Variants in FSHR observed in about 807,000 individuals in gnomAD.
FSHR encodes the protein follicle stimulating hormone receptor.
A neutral mutation model predicts 52.1 loss-of-function variants in FSHR; 46 were observed. The ratio of observed to expected loss-of-function variants is 0.88; its 90% CI spans 0.70 to 1.13. The LOEUF (loss-of-function observed/expected upper bound fraction) is 1.13. Ranked by LOEUF, FSHR falls within the 50% of genes most tolerant of loss-of-function variation. FSHR has a pLI of 0.00. For missense variants in FSHR, 964 were observed against 834.6 expected, an observed-to-expected ratio of 1.16 and a Z score of -1.91; for synonymous variants, 399 against 309.6, an observed-to-expected ratio of 1.29 and a Z score of -3.03.
intron 2 of FSHR, among the ~76,000 whole-genome samples, chr2:49,054,638 G>A (rs951067059): frequency 1.3e-5 from 2 of 152,140 alleles, no homozygotes; most frequent in Non-Finnish European, 2.9e-5. Context: ...CAGACCCTGA[G>A]TTGGCCAACG....
chr2:49,023,060 T>A (rs1655130146), intron 2 of FSHR, among the ~76,000 whole-genome samples: 1 of 152,108 alleles, frequency 6.6e-6, no homozygotes, highest in African/African-American at 2.4e-5. Flanking sequence ...TTTGACCCAA[T>A]GTACATATTC....
At chr2:48,990,892 T>TAAAA (rs10644983) in intron 4 of FSHR, among the ~76,000 whole-genome samples, 1 of 149,114 alleles carries the variant, frequency 6.7e-6, no homozygotes, top group Non-Finnish European at 1.5e-5. Context: ...CAGTATACAT[T>TAAAA]AAAAAAAAAA....
chr2:49,014,326 C>T (rs982165606), intron 4 of FSHR, among the ~76,000 whole-genome samples: 10 of 152,244 alleles, frequency 6.6e-5, no homozygotes, highest in Non-Finnish European at 1.3e-4. Context: ...GAATTGGTCA[C>T]CTCCAGCTTT....
chr2:49,072,969 T>C (rs1251335804), intron 1 of FSHR, among the ~76,000 whole-genome samples: 1 of 152,086 alleles, frequency 6.6e-6, no homozygotes, highest in Non-Finnish European at 1.5e-5. Flanking sequence ...TAGTTCTAAT[T>C]AACAAATTCA....
chr2:49,076,530 A>G (rs547065771), intron 1 of FSHR, among the ~76,000 whole-genome samples: 4 of 152,166 alleles, frequency 2.6e-5, no homozygotes, highest in Non-Finnish European at 4.4e-5. Context: ...GAGCCAAACC[A>G]TATCATTCTG....
intron 1 of FSHR, among the ~76,000 whole-genome samples, chr2:49,149,354 A>G (rs979060423): frequency 1.3e-5 from 2 of 152,052 alleles, no homozygotes; most frequent in African/African-American, 4.8e-5. Flanking sequence ...CCTACTTGTC[A>G]GGCACAAAGC....
chr2:49,114,876 C>A (rs934434579), intron 1 of FSHR, among the ~76,000 whole-genome samples: 7 of 151,832 alleles, frequency 4.6e-5, no homozygotes, highest in Admixed American at 2.6e-4. Flanking sequence ...GTGGTAGAAT[C>A]AATGTGGTAT....
chr2:48,967,969 C>T (rs945151669), intron 9 of FSHR, among the ~76,000 whole-genome samples: 1 of 152,204 alleles, frequency 6.6e-6, no homozygotes, highest in Admixed American at 6.5e-5. Flanking sequence ...AACTCTGATA[C>T]TCAGTAAGTT....
intron 1 of FSHR, among the ~76,000 whole-genome samples, chr2:49,130,460 C>T (rs958982832): frequency 2.0e-5 from 3 of 152,212 alleles, no homozygotes. Flanking sequence ...ATTCTGCTCT[C>T]ATGATAGCCA....
intron 2 of FSHR, among the ~76,000 whole-genome samples, chr2:49,036,327 C>T (rs1311367426): frequency 6.6e-6 from 1 of 152,064 alleles, no homozygotes; most frequent in Admixed American, 6.6e-5. Flanking sequence ...ATCTGTGTTT[C>T]ATCATCTCCA....
At chr2:49,068,655 C>T (rs943267986) in intron 1 of FSHR, among the ~76,000 whole-genome samples, 1 of 152,182 alleles carries the variant, frequency 6.6e-6, no homozygotes. Context: ...TTACCTCTTC[C>T]TTTATTGTCA....
At chr2:49,065,316 G>T (rs1442302396) in intron 2 of FSHR, among the ~76,000 whole-genome samples, 1 of 152,058 alleles carries the variant, frequency 6.6e-6, no homozygotes, top group Non-Finnish European at 1.5e-5. Flanking sequence ...GGATAGGCAT[G>T]GAAGCTTCAT....
At chr2:49,149,262 TA>T (rs905109967) in intron 1 of FSHR, among the ~76,000 whole-genome samples, 1 of 151,962 alleles carries the variant, frequency 6.6e-6, no homozygotes, top group Non-Finnish European at 1.5e-5. Context: ...TCAGAACAGG[TA>T]ATACCTGGTT....
chr2:49,088,210 T>TG (rs1670471705), intron 1 of FSHR, among the ~76,000 whole-genome samples: 1 of 152,106 alleles, frequency 6.6e-6, no homozygotes, highest in South Asian at 2.1e-4. Context: ...GATAAGAGAA[T>TG]GGGACCCAGG....
Position 48,963,883 on chromosome 2 carries a change from G to A in FSHR, c.938C>T (p.Ser313Phe), listed in dbSNP as rs1238625314. The A allele has an allele frequency of 6.2e-7, 1 of 1,613,964 alleles. No individual in the cohort carries two copies. The highest frequency in any genetic ancestry group is 8.5e-7 in the Non-Finnish European group (1 of 1,179,986). The change falls in exon 10 of 10, where the codon TCT becomes TTT. Residue 313 changes from serine (S) to phenylalanine (F), a missense_variant. Physicochemically the swap from Ser to Phe is radical, Grantham distance 155. Transcript: ENST00000406846. ...YMTQARGQRS[S>F]LAEDNESSYS... Reference sequence around the variant, plus strand: ...GCTGGACTCATTGTCTTCTGCCAGAGAGGATCTCTGACCCCTAGCCTGAGT... The same window carrying A: ...GCTGGACTCATTGTCTTCTGCCAGAAAGGATCTCTGACCCCTAGCCTGAGT...
chr2:48,967,226 G>C (rs2104002855), intron 9 of FSHR, among the ~76,000 whole-genome samples: 1 of 152,228 alleles, frequency 6.6e-6, no homozygotes, highest in East Asian at 1.9e-4. Flanking sequence ...CTCCCGAGTA[G>C]GTGGGACTAC....
chr2:49,077,552 G>T (rs957368749), intron 1 of FSHR, among the ~76,000 whole-genome samples: 1 of 152,182 alleles, frequency 6.6e-6, no homozygotes, highest in Non-Finnish European at 1.5e-5. Flanking sequence ...TCAGCTGCTT[G>T]TTACTTACGC....
At chr2:49,084,854 T>C (rs1294153728) in intron 1 of FSHR, among the ~76,000 whole-genome samples, 3 of 151,404 alleles carry the variant, frequency 2.0e-5, no homozygotes, top group African/African-American at 2.4e-5. Context: ...CAATAATCAA[T>C]AGCTTACCAA....
chr2:49,087,836 AAC>A (rs973898066), intron 1 of FSHR, among the ~76,000 whole-genome samples: 1 of 152,172 alleles, frequency 6.6e-6, no homozygotes, highest in African/African-American at 2.4e-5. Flanking sequence ...TTAGGAAAAA[AAC>A]AGTGATAAGA....
Sources: allele counts gnomAD v4.1 joint callset (sites outside exome capture counted in the v4.1 genomes callset), GRCh38; gene constraint gnomAD v4.1.1; transcripts MANE v1.5; gene names NCBI Gene and HGNC (gene_info 2026-07-23, HGNC 2026-07-21).